The following TRPM8 variants were observed in gnomAD, a reference collection of about 807,000 sequenced individuals.
TRPM8 encodes TRPM8 cationic channel.
A neutral mutation model predicts 133.7 loss-of-function variants in TRPM8; 110 were observed. The ratio of observed to expected loss-of-function variants is 0.82; its 90% CI spans 0.70 to 0.96. TRPM8 has a LOEUF of 0.96. Ranked by LOEUF, TRPM8 falls within the 40% of genes least tolerant of loss-of-function variation. The probability of loss-of-function intolerance (pLI) is 0.00; values close to 1 mark genes in which losing one functional copy is unlikely to be tolerated. For synonymous variants in TRPM8, 535 were observed against 532.3 expected, an observed-to-expected ratio of 1.01 and a Z score of -0.07; for missense variants, 1,291 against 1,379.5, an observed-to-expected ratio of 0.94 and a Z score of 1.02.
intron 3 of TRPM8, chr2:233,933,824 A>G (rs1415802546): frequency 1.8e-4 from 30 of 167,212 alleles, no homozygotes; most frequent in Non-Finnish European, 2.9e-5. Context: ...GAAGAGGAAC[A>G]TCAGGAAGTA....
At chr2:234,016,232 G>GA (rs143784336) in intron 25 of TRPM8, among the ~76,000 whole-genome samples, 9 of 150,790 alleles carry the variant, frequency 6.0e-5, no homozygotes, top group African/African-American at 9.7e-5. Context: ...CATCTACACA[G>GA]AAAAAAAAAG....
At chr2:233,947,364 A>T (rs1424741007) in intron 8 of TRPM8, 2 of 1,531,296 alleles carry the variant, frequency 1.3e-6, no homozygotes, top group Admixed American at 2.0e-5. Context: ...TGACATGAAT[A>T]ACCTGTGTAC....
intron 17 of TRPM8, among the ~76,000 whole-genome samples, chr2:233,977,567 C>T (rs1044308249): frequency 6.6e-6 from 1 of 152,156 alleles, no homozygotes; most frequent in Admixed American, 6.5e-5. Context: ...TTTCCCAATC[C>T]CCCTTATCTT....
chr2:233,947,567 C>A (rs561132608), intron 8 of TRPM8: 1 of 1,292,392 alleles, frequency 7.7e-7, no homozygotes, highest in Non-Finnish European at 1.0e-6. Context: ...CATTTATATG[C>A]CACCTGGGGA....
intron 1 of TRPM8, among the ~76,000 whole-genome samples, chr2:233,920,909 T>C (rs1405883030): frequency 6.8e-6 from 1 of 147,934 alleles, no homozygotes; most frequent in Non-Finnish European, 1.5e-5. Context: ...CAGGCTGGAG[T>C]GCAATGGTGT....
intron 19 of TRPM8, among the ~76,000 whole-genome samples, 186 bp from the exon 20 acceptor site, chr2:233,982,867 A>G (rs778909791): frequency 1.4e-4 from 22 of 152,162 alleles, no homozygotes; most frequent in Non-Finnish European, 2.8e-4. Flanking sequence ...TGGAAGATAG[A>G]TGTCTTAAGA....
intron 18 of TRPM8, among the ~76,000 whole-genome samples, chr2:233,980,493 C>T (rs1167615062): frequency 1.1e-4 from 17 of 152,056 alleles, no homozygotes; most frequent in Admixed American, 1.1e-3. Flanking sequence ...TAAAAGGGGT[C>T]CTGCATGATT....
rs559620311 is a variant in TRPM8 at position 233,996,420 on chromosome 2, C to G, written c.3034C>G (p.Pro1012Ala). The change falls in exon 22 of 26, where the codon CCC becomes GCC. Residue 1012 changes from proline (P) to alanine (A), a missense_variant. Pro to Ala is a conservative substitution (Grantham distance 27). Around this residue, in one of 2 missense-constraint regions of TRPM8, gnomAD observed 328 missense variants for 410.6 expected, o/e 0.80. Coordinates refer to ENST00000324695, the MANE Select transcript of TRPM8 (RefSeq NM_024080.5). ...GGAGTACTGCAGCCGCCTCAATATC[C>G]CCTTCCCCTTCATCGTCTTCGCTTA... ...VQEYCSRLNI[P>A]FPFIVFAYFY... 1.2e-6 allele frequency: 2 copies of G among 1,614,152 alleles called. No individual in the cohort carries two copies. The highest frequency in any genetic ancestry group is 4.5e-5 in the East Asian group (2 of 44,884).
intron 5 of TRPM8, 81 bp downstream of exon 5, chr2:233,939,256 G>T: frequency 6.7e-7 from 1 of 1,491,582 alleles, no homozygotes; most frequent in Non-Finnish European, 9.1e-7. Context: ...GTTCCCGTGT[G>T]CAATTCCGGA....
At position 233,970,235 on chromosome 2, in the gene TRPM8, A is replaced by C. The variant is rs771462149; in HGVS notation, c.2164A>C (p.Lys722Gln). ...GAAGAAACCTGTCGACAAGCACAAG[A>C]AGCTGCTTTGGTACTATGTGGCGTT... ...FRKKPVDKHK[K>Q]LLWYYVAFFT... Residue 722 changes from lysine to glutamine, a missense_variant, in exon 17 of 26, where the codon AAG becomes CAG. Transcript: ENST00000324695. 1 of 1,614,106 alleles carries C rather than the reference A, an allele frequency of 6.2e-7. No individual in the cohort carries two copies. Among genetic ancestry groups the C allele is most frequent in the Non-Finnish European group, 8.5e-7 (1 of 1,180,022 alleles).
intron 14 of TRPM8, 119 bp downstream of exon 14, chr2:233,964,876 T>A: frequency 9.1e-7 from 1 of 1,093,854 alleles, no homozygotes; most frequent in Non-Finnish European, 1.3e-6. Flanking sequence ...CTCCCCAGTC[T>A]GATTGAGGGC....
Position 233,960,760 on chromosome 2 carries a change from T to G in TRPM8, c.1363-16T>G, listed in dbSNP as rs201346446. The G allele has an allele frequency of 1.6e-4, 261 of 1,610,964 alleles. 1 individual carries two copies. In the South Asian group the frequency reaches 2.4e-3, roughly 15 times the overall value. On this transcript the variant is annotated splice_polypyrimidine_tract_variant and intron_variant, in intron 11 of 25. Transcript: ENST00000324695. ...TTTATAGTATTGTTAGTACTGTCTC[T>G]GTTCTTTCTCCTTAGTCTGCTGACC...
chr2:233,997,059 G>A (rs1312127360), intron 22 of TRPM8, among the ~76,000 whole-genome samples: 1 of 152,196 alleles, frequency 6.6e-6, no homozygotes, highest in Non-Finnish European at 1.5e-5. Flanking sequence ...GAGCTCAGGA[G>A]TTTGTGACCA....
intron 21 of TRPM8, among the ~76,000 whole-genome samples, chr2:233,988,791 A>G (rs935796244): frequency 6.6e-6 from 1 of 152,156 alleles, no homozygotes; most frequent in Non-Finnish European, 1.5e-5. Flanking sequence ...CAATGTCATG[A>G]TGTCCAAATA....
rs147548004 is a variant in TRPM8 at position 233,971,676 on chromosome 2, C to T, written c.2355+1250C>T. Among the ~76,000 whole-genome samples the T allele has an allele frequency of 5.9e-3, 901 of 151,820 alleles. 7 individuals are homozygous for T. The highest frequency in any genetic ancestry group is 0.018 in the African/African-American group (746 of 41,402). ...GTTCCTTCTGATGTTCGGATGTGTT[C>T]GGAGTTTCTTCCTTCTGGTGGGTTC... On this transcript the variant is annotated intron_variant, in intron 17 of 25. Coordinates refer to ENST00000324695, the MANE Select transcript of TRPM8 (RefSeq NM_024080.5).
Position 233,966,598 on chromosome 2 carries a change from A to C in TRPM8, c.1880-12A>C. On this transcript the variant is annotated splice_polypyrimidine_tract_variant and intron_variant, in intron 14 of 25. Transcript: ENST00000324695. Reference sequence around the variant, plus strand: ...CTTACACCAGCTTCTCTCTGTGCTGATGTCGCTGTAGAGCTGTTCACTGAG... The same window carrying C: ...CTTACACCAGCTTCTCTCTGTGCTGCTGTCGCTGTAGAGCTGTTCACTGAG... The C allele has an allele frequency of 1.2e-6, 2 of 1,614,016 alleles. No homozygotes were observed. Among genetic ancestry groups the C allele is most frequent in the Non-Finnish European group, 1.7e-6 (2 of 1,179,988 alleles).
intron 21 of TRPM8, among the ~76,000 whole-genome samples, chr2:233,991,508 G>T (rs780063853): frequency 1.3e-5 from 2 of 152,230 alleles, no homozygotes; most frequent in Non-Finnish European, 2.9e-5. Flanking sequence ...GATACTGCCT[G>T]TGTGCTGGGG....
intron 15 of TRPM8, among the ~76,000 whole-genome samples, chr2:233,969,200 C>G (rs1691645878): frequency 6.6e-6 from 1 of 152,004 alleles, no homozygotes; most frequent in African/African-American, 2.4e-5. Flanking sequence ...CAAGTTTGGC[C>G]AGGCATGGTG....
intron 22 of TRPM8, among the ~76,000 whole-genome samples, chr2:234,003,922 G>A (rs1189290592): frequency 2.0e-5 from 3 of 152,118 alleles, no homozygotes; most frequent in Non-Finnish European, 4.4e-5. Flanking sequence ...GCCTAAATAA[G>A]GACAAATCAG....
Sources: allele counts gnomAD v4.1 joint callset (sites outside exome capture counted in the v4.1 genomes callset), GRCh38; gene constraint gnomAD v4.1.1; regional missense constraint gnomAD v4.1.1; transcripts MANE v1.5; gene names NCBI Gene and HGNC (gene_info 2026-07-23, HGNC 2026-07-21).